The following NECAB2 variants were observed in gnomAD, a reference collection of about 807,000 sequenced individuals.
The protein encoded by NECAB2 is N-terminal EF-hand calcium binding protein 2, also known as N-terminal EF-hand calcium-binding protein 2.
Under a neutral mutation model 51.9 loss-of-function variants are expected in NECAB2, and 68 were observed. The ratio of observed to expected loss-of-function variants is 1.31; its 90% confidence interval spans 1.08 to 1.60. The LOEUF is 1.60. Ranked by LOEUF, NECAB2 falls within the 40% of genes most tolerant of loss-of-function variation. NECAB2 has a pLI of 0.00. For missense variants in NECAB2, 854 were observed against 490.3 expected, an observed-to-expected ratio of 1.74 and a Z score of -7.00; for synonymous variants, 329 against 203.5, an observed-to-expected ratio of 1.62 and a Z score of -5.25.
chr16:84,000,826 G>A, intron 11 of NECAB2, 25 bp downstream of exon 11: 1 of 1,606,102 alleles, frequency 6.2e-7, no homozygotes, highest in Non-Finnish European at 8.5e-7. Flanking sequence ...CCCCACAGCA[G>A]GTGAGGGAGA....
At chr16:83,976,414 T>C (rs550720057) in intron 2 of NECAB2, among the ~76,000 whole-genome samples, 6 of 152,178 alleles carry the variant, frequency 3.9e-5, no homozygotes, top group Non-Finnish European at 7.4e-5. Flanking sequence ...TTAAGAAGAC[T>C]AAAGGAGTGA....
intron 1 of NECAB2, chr16:83,971,950 G>T (rs1326063360): frequency 1.8e-5 from 12 of 665,086 alleles, no homozygotes; most frequent in Non-Finnish European, 2.8e-5. Flanking sequence ...CGTGGGTGAG[G>T]GGAGGGCCTC....
In NECAB2 at chr16:83,998,202, C is replaced by T. The variant is rs768255698; in HGVS notation, c.850-3C>T. 4.5e-5 allele frequency: 73 copies of T among 1,607,748 alleles called. No homozygotes were observed. The highest frequency in any genetic ancestry group is 5.5e-5 in the Non-Finnish European group (65 of 1,179,814). ...CCACACTGACTCCTGCTGTGCCCGG[C>T]AGCACCTGCAGCTGGTCCGGCAGGA... On this transcript the variant is annotated splice_region_variant and splice_polypyrimidine_tract_variant and intron_variant, in intron 9 of 12. Transcript: ENST00000305202.
chr16:83,990,974 TTTTA>T lies in NECAB2; in HGVS notation c.596+360_596+363del, dbSNP rs144798895. On this transcript the variant is annotated intron_variant, in intron 6 of 12. Transcript: ENST00000305202. ...GAACTATTCTGTTGTTTGGCCCACG[TTTTA>T]TTTATTTATTTATTTTTTTGTTTTA... 3.9e-3 allele frequency among the ~76,000 whole-genome samples: 595 copies of T among 152,172 alleles called. 4 individuals are homozygous for T. Among genetic ancestry groups the T allele is most frequent in the African/African-American group, 0.014 (571 of 41,534 alleles).
intron 6 of NECAB2, 62 bp downstream of exon 6, chr16:83,990,692 C>G: frequency 1.9e-6 from 3 of 1,585,736 alleles, no homozygotes; most frequent in South Asian, 2.3e-5. Context: ...ACGTGCCCAC[C>G]TGCTGCTTGG....
intron 5 of NECAB2, among the ~76,000 whole-genome samples, chr16:83,988,452 T>C (rs2084581687): frequency 6.6e-6 from 1 of 152,238 alleles, no homozygotes. Flanking sequence ...AAATAATTTT[T>C]AAGATTTTAG....
chr16:83,995,067 A>AGAGAGACGTGATGATTCG (rs2084678246), intron 8 of NECAB2, among the ~76,000 whole-genome samples: 1 of 152,104 alleles, frequency 6.6e-6, no homozygotes, highest in African/African-American at 2.4e-5. Flanking sequence ...ACCAGGATGA[A>AGAGAGACGTGATGATTCG]AGAGAGACGT....
chr16:83,998,015 T>G (rs1056300761), intron 9 of NECAB2, among the ~76,000 whole-genome samples, 190 bp from the exon 10 acceptor site: 174 of 152,248 alleles, frequency 1.1e-3, no homozygotes, highest in Non-Finnish European at 1.3e-4. Flanking sequence ...ACTTCTGCAC[T>G]GGGCTCTTGA....
intron 5 of NECAB2, among the ~76,000 whole-genome samples, chr16:83,983,120 C>T (rs1269219258): frequency 6.6e-6 from 1 of 152,136 alleles, no homozygotes; most frequent in Non-Finnish European, 1.5e-5. Context: ...CCGCCCACCT[C>T]GGCCTCCCAA....
chr16:83,985,746 G>C (rs2084544862), intron 5 of NECAB2, among the ~76,000 whole-genome samples: 1 of 151,876 alleles, frequency 6.6e-6, no homozygotes, highest in African/African-American at 2.4e-5. Flanking sequence ...TTATTTTTCA[G>C]TTCATTGTAT....
At position 83,968,793 on chromosome 16, in the gene NECAB2, G is replaced by GC; in HGVS notation, c.150dup (p.Ala51ArgfsTer26). The GC allele has an allele frequency of 1.8e-6, 2 of 1,116,790 alleles. No homozygotes were observed. Among genetic ancestry groups the GC allele is most frequent in the African/African-American group, 1.7e-5 (1 of 60,076 alleles). 69.2% of individuals were successfully genotyped at this position (1,116,790 alleles called of 1,614,324 possible). A position where few individuals can be genotyped will look rare whatever the true frequency, so the allele number is the denominator to read the frequency against. On this transcript the variant is annotated frameshift_variant, in exon 1 of 13. Transcript: ENST00000305202. LOFTEE classifies it high-confidence loss of function. ...GCCCCGGGAGTCGCTGGCCCCCGCC[G>GC]CCCCCGCGGACCCCGGCCCAGCCTC... is the stretch of plus-strand genomic sequence containing the variant.
chr16:83,979,256 C>T (rs1468002598), intron 3 of NECAB2, among the ~76,000 whole-genome samples: 1 of 152,238 alleles, frequency 6.6e-6, no homozygotes, highest in African/African-American at 2.4e-5. Context: ...CACCTGGTCT[C>T]CTTTCTCAGG....
chr16:84,000,454 G>C (rs778045754), intron 10 of NECAB2, among the ~76,000 whole-genome samples: 2 of 152,312 alleles, frequency 1.3e-5, no homozygotes, highest in Non-Finnish European at 2.9e-5. Flanking sequence ...CTGCACTCCA[G>C]CCTGGGCAAC....
intron 8 of NECAB2, among the ~76,000 whole-genome samples, chr16:83,995,107 A>C (rs2084678750): frequency 6.6e-6 from 1 of 152,242 alleles, no homozygotes; most frequent in African/African-American, 2.4e-5. Context: ...AAAACAAGGA[A>C]GGAAGTGACC....
chr16:83,987,282 C>G (rs182298189), intron 5 of NECAB2, among the ~76,000 whole-genome samples: 38 of 152,296 alleles, frequency 2.5e-4, no homozygotes, highest in Admixed American at 2.3e-3. Context: ...TTATTATTAT[C>G]TAATGTATCT....
chr16:83,978,197 G>A (rs2084438366), intron 2 of NECAB2, among the ~76,000 whole-genome samples: 2 of 152,212 alleles, frequency 1.3e-5, no homozygotes, highest in South Asian at 2.1e-4. Flanking sequence ...GGAATTAGCT[G>A]GATGAGGCAT....
upstream of NECAB2, among the ~76,000 whole-genome samples, chr16:83,966,621 CCCT>C (rs2084283518): frequency 6.6e-6 from 1 of 152,182 alleles, no homozygotes; most frequent in Non-Finnish European, 1.5e-5. Context: ...TCCCAGGCCT[CCCT>C]CCTCTCTGTT....
intron 5 of NECAB2, among the ~76,000 whole-genome samples, chr16:83,982,678 T>G (rs951726777): frequency 6.6e-6 from 1 of 152,130 alleles, no homozygotes; most frequent in African/African-American, 2.4e-5. Flanking sequence ...GTCAGACTTT[T>G]CAGGAACATA....
intron 11 of NECAB2, among the ~76,000 whole-genome samples, chr16:84,001,224 G>A (rs890443934): frequency 1.3e-5 from 2 of 152,278 alleles, no homozygotes; most frequent in South Asian, 2.1e-4. Context: ...AGATGGGGTA[G>A]GGTGTCAGCA....
Sources: allele counts gnomAD v4.1 joint callset (sites outside exome capture counted in the v4.1 genomes callset), GRCh38; gene constraint gnomAD v4.1.1; transcripts MANE v1.5; gene names NCBI Gene and HGNC (gene_info 2026-07-23, HGNC 2026-07-21).